COL4A4: variants seen among roughly 807,000 people sequenced by gnomAD.
The protein encoded by COL4A4 is collagen type IV alpha 4 chain, also known as collagen alpha-4(IV) chain.
Under a neutral mutation model 192.9 loss-of-function variants are expected in COL4A4, and 105 were observed. The ratio of observed to expected loss-of-function variants is 0.54; its 90% CI spans 0.46 to 0.64. COL4A4 has a LOEUF of 0.64. Ranked by LOEUF, COL4A4 falls within the 30% of genes least tolerant of loss-of-function variation. COL4A4 has a pLI of 0.00. For synonymous variants in COL4A4, 762 were observed against 769.9 expected, an observed-to-expected ratio of 0.99 and a Z score of 0.17; for missense variants, 1,967 against 2,169.3, an observed-to-expected ratio of 0.91 and a Z score of 1.85.
chr2:227,121,636 CAAGAA>C (rs1373793964), intron 4 of COL4A4, among the ~76,000 whole-genome samples: 5 of 147,190 alleles, frequency 3.4e-5, no homozygotes, highest in Non-Finnish European at 6.0e-5. Flanking sequence ...AAAAACAAGA[CAAGAA>C]AAGAAAATGA....
chr2:227,083,392 A>C (rs1304665387), intron 22 of COL4A4, among the ~76,000 whole-genome samples: 8 of 152,140 alleles, frequency 5.3e-5, no homozygotes, highest in Admixed American at 5.2e-4. Flanking sequence ...AAAATGACTG[A>C]GCAAGCCAGT....
At chr2:227,039,935 A>G (rs1257115029) in intron 37 of COL4A4, among the ~76,000 whole-genome samples, 1 of 152,236 alleles carries the variant, frequency 6.6e-6, no homozygotes, top group African/African-American at 2.4e-5. Context: ...TTGTGAAGGG[A>G]ACTTTTCCTA....
chr2:227,161,147 T>C (rs151085435), intron 1 of COL4A4, among the ~76,000 whole-genome samples: 188 of 152,336 alleles, frequency 1.2e-3, no homozygotes, highest in African/African-American at 3.9e-3. Flanking sequence ...TCAACTTCAT[T>C]TGTGCTTTCA....
chr2:227,086,107 C>A (rs1159936586), intron 22 of COL4A4, among the ~76,000 whole-genome samples: 2 of 152,234 alleles, frequency 1.3e-5, no homozygotes, highest in African/African-American at 4.8e-5. Context: ...TAGTGCCTTG[C>A]ACTAGAGCAT....
chr2:227,099,695 ATCAT>A lies in COL4A4; in HGVS notation c.1030-10_1030-7del. 6.2e-7 allele frequency: 1 copy of A among 1,613,514 alleles called. No individual in the cohort carries two copies. The highest frequency in any genetic ancestry group is 8.5e-7 in the Non-Finnish European group (1 of 1,179,506). On this transcript the variant is annotated splice_polypyrimidine_tract_variant and splice_region_variant and intron_variant, in intron 17 of 47. Transcript: ENST00000396625. ...CCTCGATTTCCAGGATCCCCCTGAAATCATTCATTCATTCACTTTTTAAAGGAAT... is the reference window on the plus strand; with the variant it reads ...CCTCGATTTCCAGGATCCCCCTGAAATCATTCATTCACTTTTTAAAGGAAT...
chr2:227,153,897 G>A (rs1366551001), intron 1 of COL4A4, among the ~76,000 whole-genome samples: 1 of 152,144 alleles, frequency 6.6e-6, no homozygotes, highest in Non-Finnish European at 1.5e-5. Context: ...CTGACATAAA[G>A]TCTTACGTCA....
chr2:227,120,529 G>A (rs2061717549), intron 5 of COL4A4, among the ~76,000 whole-genome samples: 2 of 152,202 alleles, frequency 1.3e-5, no homozygotes, highest in Middle Eastern at 3.4e-3. Flanking sequence ...GTATTTAAAG[G>A]TCCAGAAGAG....
intron 9 of COL4A4, 134 bp from the exon 10 acceptor site, chr2:227,109,420 A>G (rs999354231): frequency 2.6e-6 from 2 of 777,300 alleles, no homozygotes; most frequent in African/African-American, 3.4e-5. Flanking sequence ...CCCTGCTAGG[A>G]CATTTTCAAC....
At chr2:227,108,407 A>G (rs958373405) in intron 12 of COL4A4, among the ~76,000 whole-genome samples, 174 bp downstream of exon 12, 4 of 152,202 alleles carry the variant, frequency 2.6e-5, no homozygotes, top group Admixed American at 6.5e-5. Context: ...CAGATCTTTC[A>G]TTTTACAGTC....
chr2:226,969,891 G>T, the COL4A4 span, among the ~76,000 whole-genome samples: 1 of 151,874 alleles, frequency 6.6e-6, no homozygotes, highest in Non-Finnish European at 1.5e-5. Flanking sequence ...AACACATCCT[G>T]TGGCGAGGCA....
chr2:226,983,537 C>T, the COL4A4 span, among the ~76,000 whole-genome samples: 2 of 152,214 alleles, frequency 1.3e-5, no homozygotes, highest in African/African-American at 4.8e-5. Flanking sequence ...GTGACCTAAA[C>T]TTGACCACTC....
intron 16 of COL4A4, 105 bp downstream of exon 16, chr2:227,101,760 C>T: frequency 9.1e-7 from 1 of 1,102,904 alleles, no homozygotes; most frequent in Non-Finnish European, 1.3e-6. Flanking sequence ...ATGTGTCTGC[C>T]TTCCTAATTA....
At chr2:227,026,477 T>A (rs372213598) in intron 42 of COL4A4, among the ~76,000 whole-genome samples, 1 of 145,720 alleles carries the variant, frequency 6.9e-6, no homozygotes, top group Non-Finnish European at 1.5e-5. Flanking sequence ...CCAGCCTGGG[T>A]GACAAAGCGA....
chr2:227,158,257 CAA>C (rs1431733039), intron 1 of COL4A4, among the ~76,000 whole-genome samples: 1 of 152,006 alleles, frequency 6.6e-6, no homozygotes, highest in East Asian at 1.9e-4. Context: ...GTCTTTTCAA[CAA>C]CTGGTGCCAC....
At chr2:227,089,620 T>C (rs1414870855) in intron 21 of COL4A4, among the ~76,000 whole-genome samples, 1 of 146,244 alleles carries the variant, frequency 6.8e-6, no homozygotes, top group Admixed American at 6.8e-5. Flanking sequence ...CATACATATA[T>C]ATAAATATAT....
At chr2:227,020,249 A>G (rs1386051331) in intron 44 of COL4A4, among the ~76,000 whole-genome samples, 1 of 109,444 alleles carries the variant, frequency 9.1e-6, no homozygotes, top group African/African-American at 4.6e-5. Context: ...TATTGCAAAT[A>G]TATACACAAG....
intron 43 of COL4A4, among the ~76,000 whole-genome samples, chr2:227,024,473 G>A (rs891279007): frequency 2.6e-5 from 4 of 152,172 alleles, no homozygotes; most frequent in African/African-American, 9.7e-5. Flanking sequence ...CTGGGCAGCA[G>A]AGCAAGACTC....
intron 4 of COL4A4, among the ~76,000 whole-genome samples, chr2:227,137,119 C>A (rs1056356380): frequency 2.6e-5 from 4 of 152,200 alleles, no homozygotes; most frequent in African/African-American, 9.7e-5. Flanking sequence ...ACCACGCAGA[C>A]ACAAAGACAC....
chr2:226,984,934 G>T, the COL4A4 span, among the ~76,000 whole-genome samples: 1 of 151,360 alleles, frequency 6.6e-6, no homozygotes, highest in African/African-American at 2.4e-5. Flanking sequence ...TTGGGGTGGG[G>T]GAGGGGGAGG....
Sources: allele counts gnomAD v4.1 joint callset (sites outside exome capture counted in the v4.1 genomes callset), GRCh38; gene constraint gnomAD v4.1.1; transcripts MANE v1.5; gene names NCBI Gene and HGNC (gene_info 2026-07-23, HGNC 2026-07-21).